KCNIP4: variants seen among roughly 807,000 people sequenced by gnomAD.
The protein encoded by KCNIP4 is potassium voltage-gated channel interacting protein 4, also known as Kv channel-interacting protein 4.
A neutral mutation model predicts 34.0 loss-of-function variants in KCNIP4; 12 were observed. The observed-to-expected ratio is 0.35, with a 90% CI of 0.23 to 0.57. The LOEUF (loss-of-function observed/expected upper bound fraction) is 0.57, where lower values mean the gene tolerates loss of function less well. Ranked by LOEUF, KCNIP4 falls within the 20% of genes least tolerant of loss-of-function variation. The pLI is 0.83. For synonymous variants in KCNIP4, 124 were observed against 102.2 expected, an observed-to-expected ratio of 1.21 and a Z score of -1.29; for missense variants, 238 against 311.7, an observed-to-expected ratio of 0.76 and a Z score of 1.78.
intron 1 of KCNIP4, among the ~76,000 whole-genome samples, chr4:21,833,070 T>G (rs1359631295): frequency 6.7e-6 from 1 of 150,344 alleles, no homozygotes; most frequent in African/African-American, 2.5e-5. Flanking sequence ...TGTGTCTTTA[T>G]AGCAGCATGA....
At chr4:21,113,164 C>T (rs1749371699) in intron 1 of KCNIP4, among the ~76,000 whole-genome samples, 1 of 152,176 alleles carries the variant, frequency 6.6e-6, no homozygotes, top group Non-Finnish European at 1.5e-5. Context: ...GGCTTGATGA[C>T]TACCCAAGGG....
At chr4:21,008,655 C>G (rs976981608) in intron 1 of KCNIP4, among the ~76,000 whole-genome samples, 4 of 151,878 alleles carry the variant, frequency 2.6e-5, no homozygotes, top group Non-Finnish European at 5.9e-5. Context: ...TCCCAAGTAG[C>G]TGGGACTGCA....
chr4:21,914,521 GTCTC>G (rs1728521399), intron 1 of KCNIP4, among the ~76,000 whole-genome samples: 1 of 152,078 alleles, frequency 6.6e-6, no homozygotes, highest in Non-Finnish European at 1.5e-5. Context: ...TGCACCATGT[GTCTC>G]TCTGTCTAAA....
intron 1 of KCNIP4, among the ~76,000 whole-genome samples, chr4:20,905,854 A>G (rs1471714742): frequency 1.3e-5 from 2 of 151,888 alleles, no homozygotes; most frequent in African/African-American, 4.8e-5. Context: ...AGGTATAGGG[A>G]AAAAAACAGT....
At chr4:21,617,360 A>G (rs1744677903) in intron 1 of KCNIP4, among the ~76,000 whole-genome samples, 1 of 152,202 alleles carries the variant, frequency 6.6e-6, no homozygotes, top group African/African-American at 2.4e-5. Context: ...TATGGCAATA[A>G]AAGTGAATTT....
intron 1 of KCNIP4, among the ~76,000 whole-genome samples, chr4:21,266,963 C>G (rs546551690): frequency 6.6e-6 from 1 of 152,108 alleles, no homozygotes; most frequent in African/African-American, 2.4e-5. Flanking sequence ...GGGCTAGTCA[C>G]GTAGTCTATG....
intron 1 of KCNIP4, among the ~76,000 whole-genome samples, chr4:20,935,928 CT>C (rs939753961): frequency 6.6e-6 from 1 of 152,174 alleles, no homozygotes; most frequent in Admixed American, 6.5e-5. Flanking sequence ...AACAATGTAT[CT>C]GATAGTGTTT....
intron 1 of KCNIP4, among the ~76,000 whole-genome samples, chr4:21,033,518 G>A (rs1741186960): frequency 6.6e-6 from 1 of 152,164 alleles, no homozygotes; most frequent in South Asian, 2.1e-4. Context: ...TACTCTTCGT[G>A]TTATGTCCTC....
chr4:21,303,747 TA>T, intron 1 of KCNIP4: 1 of 1,384,592 alleles, frequency 7.2e-7, no homozygotes, highest in Non-Finnish European at 1.0e-6. Context: ...TACATTCACC[TA>T]AGACATTTTC....
chr4:21,891,458 C>CA (rs1184883533), intron 1 of KCNIP4, among the ~76,000 whole-genome samples: 1 of 152,062 alleles, frequency 6.6e-6, no homozygotes, highest in South Asian at 2.1e-4. Flanking sequence ...GAGTCAGCGA[C>CA]AAAGAAACAC....
chr4:20,822,596 C>T (rs1309848929), intron 3 of KCNIP4, among the ~76,000 whole-genome samples: 1 of 152,122 alleles, frequency 6.6e-6, no homozygotes, highest in Non-Finnish European at 1.5e-5. Context: ...GGAAAGGAGT[C>T]ATTTTGTGAT....
intron 1 of KCNIP4, among the ~76,000 whole-genome samples, chr4:21,087,239 T>C (rs10028465): frequency 0.34 from 49,761 of 145,964 alleles, 10,208 homozygotes; most frequent in African/African-American, 0.58. Flanking sequence ...TTCAGTGGCA[T>C]GATCTCAGCT....
At chr4:21,220,408 A>G (rs7679226) in intron 1 of KCNIP4, among the ~76,000 whole-genome samples, 71,524 of 152,006 alleles carry the variant, frequency 0.47, 18,123 homozygotes, top group African/African-American at 0.67. Flanking sequence ...GGGGCCTGTT[A>G]TGGGGTCAGG....
chr4:21,902,307 T>G (rs976249654), intron 1 of KCNIP4, among the ~76,000 whole-genome samples: 1 of 152,162 alleles, frequency 6.6e-6, no homozygotes, highest in Non-Finnish European at 1.5e-5. Context: ...GTTATAAACA[T>G]AAAGTTATCC....
chr4:21,009,384 T>A (rs544904588), intron 1 of KCNIP4, among the ~76,000 whole-genome samples: 6 of 152,250 alleles, frequency 3.9e-5, no homozygotes, highest in Non-Finnish European at 5.9e-5. Flanking sequence ...GAAATAATTA[T>A]GAAATTGAAT....
chr4:21,498,407 T>C (rs1733024951), intron 1 of KCNIP4, among the ~76,000 whole-genome samples: 2 of 152,218 alleles, frequency 1.3e-5, no homozygotes, highest in African/African-American at 2.4e-5. Context: ...GAGTTTTCTC[T>C]TGTCCATTTG....
chr4:21,563,980 C>T (rs1303154775), intron 1 of KCNIP4, among the ~76,000 whole-genome samples: 1 of 151,996 alleles, frequency 6.6e-6, no homozygotes, highest in Non-Finnish European at 1.5e-5. Context: ...TAATCATATA[C>T]CTTTTTACTA....
rs36004947 is a variant in KCNIP4, at chr4:21,691,691, C to CTTTTT, written c.61+256875_61+256879dup. On this transcript the variant is annotated intron_variant, in intron 1 of 8. Transcript: ENST00000382152. ...TTTAGCAAGAGGGGCAAACGCAGCT[C>CTTTTT]TTTTTTTTTTTTTTTTTTTTTTTCT... is the stretch of plus-strand genomic sequence containing the variant. Among the ~76,000 whole-genome samples, 293 of 103,112 alleles carry CTTTTT rather than the reference C, an allele frequency of 2.8e-3. 3 individuals are homozygous for CTTTTT. Among genetic ancestry groups the CTTTTT allele is most frequent in the Non-Finnish European group, 3.8e-3 (202 of 53,618 alleles). The allele number at this position is 103,112 out of a possible 152,430, so 67.6% of individuals were successfully genotyped here. A position where few individuals can be genotyped will look rare whatever the true frequency, so the allele number is the denominator to read the frequency against.
intron 1 of KCNIP4, among the ~76,000 whole-genome samples, chr4:21,729,120 AAAT>A (rs1715406749): frequency 1.3e-5 from 2 of 152,140 alleles, no homozygotes; most frequent in African/African-American, 4.8e-5. Flanking sequence ...CTAAGTGCTT[AAAT>A]CTGAGCACCT....
Sources: gnomAD v4.1 joint callset for allele counts (sites outside exome capture counted in the v4.1 genomes callset) on GRCh38, gnomAD v4.1.1 for gene constraint, MANE v1.5 for transcripts, NCBI Gene and HGNC (gene_info 2026-07-23, HGNC 2026-07-21) for gene names.